FAM178B: variants seen among roughly 807,000 people sequenced by gnomAD.
FAM178B encodes the protein protein FAM178B.
Under a neutral mutation model 91.7 loss-of-function variants are expected in FAM178B, and 82 were observed. That is an observed-to-expected ratio of 0.89 (90% CI 0.75 to 1.07). The LOEUF is 1.07. FAM178B is among the 50% of genes least tolerant of loss of function. The probability of loss-of-function intolerance (pLI) is 0.00; values close to 1 mark genes in which losing one functional copy is unlikely to be tolerated. For synonymous variants in FAM178B, 368 were observed against 359.4 expected (o/e 1.02, Z -0.27); for missense variants, 769 against 846.7 (o/e 0.91, Z 1.14).
intron 1 of FAM178B, 133 bp downstream of exon 1, chr2:96,986,108 G>T: frequency 6.9e-7 from 1 of 1,459,146 alleles, no homozygotes; most frequent in Non-Finnish European, 9.0e-7. Flanking sequence ...AACCTGAAAA[G>T]CGCCAGAGTA....
chr2:96,969,503 C>A (rs999537879), intron 4 of FAM178B, among the ~76,000 whole-genome samples: 1 of 152,204 alleles, frequency 6.6e-6, no homozygotes, highest in Admixed American at 6.5e-5. Context: ...TTTAAGCCCC[C>A]AGTGTGTGCC....
At chr2:96,930,666 T>C (rs1175079912) in intron 8 of FAM178B, among the ~76,000 whole-genome samples, 1 of 152,238 alleles carries the variant, frequency 6.6e-6, no homozygotes, top group East Asian at 1.9e-4. Flanking sequence ...AAAACAAATC[T>C]GACCAAGTAC....
At chr2:96,937,766 C>A (rs966951765) in intron 8 of FAM178B, among the ~76,000 whole-genome samples, 2 of 152,220 alleles carry the variant, frequency 1.3e-5, no homozygotes, top group Non-Finnish European at 2.9e-5. Flanking sequence ...GGGCTCACAT[C>A]TATAATCCCC....
At chr2:96,923,871 G>C (rs1227956054) in intron 9 of FAM178B, among the ~76,000 whole-genome samples, 2 of 152,234 alleles carry the variant, frequency 1.3e-5, no homozygotes, top group Non-Finnish European at 2.9e-5. Flanking sequence ...CACTCACCTG[G>C]TCACTGATCC....
At chr2:96,898,917 G>A (rs1027095090) in intron 13 of FAM178B, among the ~76,000 whole-genome samples, 7 of 152,246 alleles carry the variant, frequency 4.6e-5, no homozygotes, top group Non-Finnish European at 8.8e-5. Context: ...GAGGAGGCCC[G>A]ATGAGAACAT....
chr2:96,979,000 CAG>C (rs2082327733), intron 1 of FAM178B, among the ~76,000 whole-genome samples: 1 of 93,608 alleles, frequency 1.1e-5, no homozygotes, highest in South Asian at 3.4e-4. Flanking sequence ...TTTTTTGAAA[CAG>C]AGTCTTGCTC....
Position 96,936,240 on chromosome 2 carries a change from T to C in FAM178B, c.1079-6920A>G, listed in dbSNP as rs544931781. Among the ~76,000 whole-genome samples, 169 of 152,142 alleles carry C rather than the reference T, an allele frequency of 1.1e-3. 2 individuals carry two copies. The highest frequency in any genetic ancestry group is 3.6e-3 in the African/African-American group (151 of 41,540). ...TTTTTGAGACGGAGTCTCGCTCTGT[T>C]GCCCAGGCTGGGGTGCAGTGGCATG... On this transcript the variant is annotated intron_variant, in intron 8 of 16. Coordinates refer to ENST00000490605, the MANE Select transcript of FAM178B (RefSeq NM_001122646.3).
At chr2:96,920,351 C>T (rs904357227) in intron 12 of FAM178B, among the ~76,000 whole-genome samples, 1 of 152,168 alleles carries the variant, frequency 6.6e-6, no homozygotes, top group Non-Finnish European at 1.5e-5. Context: ...CCTGTAATCT[C>T]AGCACTTTGG....
intron 7 of FAM178B, among the ~76,000 whole-genome samples, chr2:96,950,898 C>T (rs1216398949): frequency 6.6e-6 from 1 of 152,192 alleles, no homozygotes; most frequent in Non-Finnish European, 1.5e-5. Flanking sequence ...GGATCCAAAC[C>T]AGGCACTGCA....
chr2:96,933,508 T>C (rs1016261248), intron 8 of FAM178B, among the ~76,000 whole-genome samples: 1 of 152,196 alleles, frequency 6.6e-6, no homozygotes, highest in African/African-American at 2.4e-5. Flanking sequence ...TGGAAATCCA[T>C]GCACATCCCA....
At chr2:96,942,986 C>CA (rs1319850143) in intron 8 of FAM178B, among the ~76,000 whole-genome samples, 2 of 152,064 alleles carry the variant, frequency 1.3e-5, no homozygotes, top group Non-Finnish European at 2.9e-5. Flanking sequence ...AAACCACATA[C>CA]AAAAATGAAC....
intron 15 of FAM178B, 94 bp downstream of exon 15, chr2:96,878,322 G>A (rs2080296897): frequency 8.2e-7 from 1 of 1,221,944 alleles, no homozygotes; most frequent in Non-Finnish European, 1.2e-6. Flanking sequence ...GTTCCTAACA[G>A]TGGGCTGGGC....
At chr2:96,958,100 G>A (rs907877662) in intron 6 of FAM178B, among the ~76,000 whole-genome samples, 9 of 134,374 alleles carry the variant, frequency 6.7e-5, no homozygotes, top group African/African-American at 2.2e-4. Context: ...ATGGAGTCTC[G>A]CTCTGTCCCC....
intron 1 of FAM178B, among the ~76,000 whole-genome samples, chr2:96,980,140 A>G (rs1039066945): frequency 1.4e-5 from 2 of 143,060 alleles, no homozygotes; most frequent in African/African-American, 5.2e-5. Flanking sequence ...GTAGTGCGCA[A>G]TCTTGGCTCA....
intron 12 of FAM178B, 89 bp from the exon 13 acceptor site, chr2:96,902,796 G>A (rs2080959167): frequency 3.4e-6 from 3 of 891,874 alleles, no homozygotes; most frequent in African/African-American, 3.3e-5. Flanking sequence ...AGGGGACTTT[G>A]GGGGAGCCAC....
chr2:96,901,743 C>T (rs1381735984), intron 13 of FAM178B, among the ~76,000 whole-genome samples: 1 of 152,094 alleles, frequency 6.6e-6, no homozygotes, highest in Non-Finnish European at 1.5e-5. Flanking sequence ...CTGCACAACA[C>T]TGTGAATGAA....
intron 14 of FAM178B, among the ~76,000 whole-genome samples, chr2:96,883,853 G>A (rs1015027659): frequency 6.6e-6 from 1 of 152,192 alleles, no homozygotes; most frequent in Non-Finnish European, 1.5e-5. Context: ...CACAGCCCTA[G>A]CCTGGCTGGG....
intron 10 of FAM178B, 125 bp downstream of exon 10, chr2:96,923,365 G>T: frequency 1.4e-6 from 1 of 728,290 alleles, no homozygotes; most frequent in Non-Finnish European, 2.4e-6. Flanking sequence ...CCCACAGCCA[G>T]CACAGTGCCT....
chr2:96,946,126 T>C (rs981257528), intron 8 of FAM178B, among the ~76,000 whole-genome samples: 1 of 152,218 alleles, frequency 6.6e-6, no homozygotes, highest in Non-Finnish European at 1.5e-5. Flanking sequence ...TACGTGTTTG[T>C]TCTTTTGTAT....
Sources: allele counts gnomAD v4.1 joint callset (sites outside exome capture counted in the v4.1 genomes callset), GRCh38; gene constraint gnomAD v4.1.1; transcripts MANE v1.5; gene names NCBI Gene and HGNC (gene_info 2026-07-23, HGNC 2026-07-21).